CNTNAP3B: variants seen among roughly 807,000 people sequenced by gnomAD.
CNTNAP3B encodes contactin associated protein family member 3B, also known as contactin-associated protein-like 3B.
CNTNAP3B carries 25 observed loss-of-function variants against 108.9 expected under a neutral mutation model. The observed-to-expected ratio is 0.23, with a 90% CI of 0.17 to 0.32. CNTNAP3B has a LOEUF of 0.32. CNTNAP3B is among the 10% of genes least tolerant of loss of function. CNTNAP3B has a pLI of 1.00. For synonymous variants in CNTNAP3B, 103 were observed against 473.4 expected, an observed-to-expected ratio of 0.22 and a Z score of 10.16; for missense variants, 252 against 1,210.4, an observed-to-expected ratio of 0.21 and a Z score of 11.75.
chr9:42,032,415 G>A (rs555118141), intron 3 of CNTNAP3B, among the ~76,000 whole-genome samples: 1 of 122,390 alleles, frequency 8.2e-6, no homozygotes, highest in Non-Finnish European at 1.7e-5. Flanking sequence ...CATGATAATG[G>A]CTGAGGTACA....
intron 3 of CNTNAP3B, among the ~76,000 whole-genome samples, chr9:42,020,082 G>GA (rs1311990497): frequency 7.5e-6 from 1 of 133,228 alleles, no homozygotes; most frequent in African/African-American, 3.1e-5. Context: ...GTCAAAAAGA[G>GA]AAAAACAAAG....
intron 18 of CNTNAP3B, among the ~76,000 whole-genome samples, chr9:41,919,106 T>A (rs925913955): frequency 6.6e-6 from 1 of 152,260 alleles, no homozygotes; most frequent in Non-Finnish European, 1.5e-5. Flanking sequence ...TACAGAGTAC[T>A]TAATACTAAA....
intron 13 of CNTNAP3B, among the ~76,000 whole-genome samples, chr9:41,943,837 CA>C (rs1447463010): frequency 1.3e-5 from 2 of 151,808 alleles, no homozygotes; most frequent in African/African-American, 2.4e-5. Flanking sequence ...AGGTTAAATA[CA>C]AAAAAAACCA....
intron 10 of CNTNAP3B, among the ~76,000 whole-genome samples, chr9:41,967,860 A>G (rs1198224107): frequency 3.3e-5 from 5 of 152,272 alleles, no homozygotes; most frequent in African/African-American, 1.2e-4. Flanking sequence ...CTTTCTTAAA[A>G]TCCTTATCTG....
In CNTNAP3B at chr9:42,017,158, C is replaced by T. The variant is rs1264878096; in HGVS notation, c.391-3633G>A. ...TGCTGGAAATATGTTTCATAAATAA[C>T]TTAGGAATTAATGACATTACTGAAA... On this transcript the variant is annotated intron_variant, in intron 3 of 23. Coordinates refer to ENST00000377561, the MANE Select transcript of CNTNAP3B (RefSeq NM_001201380.3). Among the ~76,000 whole-genome samples, 24 of 139,600 alleles carry T rather than the reference C, an allele frequency of 1.7e-4. 1 individual carries two copies. The East Asian group carries it at 5.0e-3, about 29-fold the overall frequency. 91.6% of individuals were successfully genotyped at this position (139,600 alleles called of 152,430 possible).
intron 15 of CNTNAP3B, among the ~76,000 whole-genome samples, chr9:41,924,419 T>G (rs1360860697): frequency 1.9e-3 from 285 of 151,938 alleles, no homozygotes; most frequent in Middle Eastern, 3.4e-3. Context: ...CAGAACTTAC[T>G]GAAGAACTCG....
chr9:41,916,200 C>G (rs1461140420), intron 18 of CNTNAP3B, among the ~76,000 whole-genome samples: 1 of 147,744 alleles, frequency 6.8e-6, no homozygotes, highest in African/African-American at 2.5e-5. Flanking sequence ...GGTGTTATTC[C>G]TTATTTCAGT....
intron 18 of CNTNAP3B, among the ~76,000 whole-genome samples, chr9:41,913,543 T>C (rs1823455473): frequency 7.0e-6 from 1 of 143,656 alleles, no homozygotes; most frequent in Non-Finnish European, 1.5e-5. Context: ...AATTTGCCAC[T>C]TAACCATTTA....
Position 41,953,210 on chromosome 9 carries a change from C to T in CNTNAP3B, c.2053G>A (p.Gly685Arg), listed in dbSNP as rs755013489. 1.2e-5 allele frequency: 18 copies of T among 1,530,034 alleles called. No individual in the cohort carries two copies. The East Asian group carries it at 1.8e-4, about 15-fold the overall frequency. The allele number at this position is 1,530,034 out of a possible 1,614,324, so 94.8% of individuals were successfully genotyped here. The change falls in exon 13 of 24, where the codon GGG becomes AGG. Residue 685 changes from glycine (G) to arginine (R), a missense_variant. By Grantham distance (125) the Gly-to-Arg change is moderately radical. Transcript: ENST00000377561. ...CGTGAGTCCGGGCGCCGCGCTGTCC[C>T]GCAGCGCAGAGCCAGCCGCTGCTCG... ...RCEQRLALRCGTARRPDSRDG... is the reference protein window; with the variant it reads ...RCEQRLALRCRTARRPDSRDG...
intron 3 of CNTNAP3B, among the ~76,000 whole-genome samples, chr9:42,055,291 G>GTATATA (rs200799498): frequency 4.9e-5 from 6 of 121,392 alleles, no homozygotes; most frequent in Non-Finnish European, 1.0e-4. Flanking sequence ...ATTTACATGA[G>GTATATA]TATATATATA....
At chr9:42,107,170 A>C (rs1828100607) in intron 1 of CNTNAP3B, among the ~76,000 whole-genome samples, 1 of 83,410 alleles carries the variant, frequency 1.2e-5, no homozygotes, top group Non-Finnish European at 2.4e-5. Flanking sequence ...AAGGCACAAT[A>C]AAAGTCTTTC....
At chr9:41,958,248 C>T (rs868038453) in intron 12 of CNTNAP3B, among the ~76,000 whole-genome samples, 1 of 152,302 alleles carries the variant, frequency 6.6e-6, no homozygotes, top group Admixed American at 6.5e-5. Flanking sequence ...GCTGGGACTA[C>T]AGATACATGT....
chr9:42,115,603 G>C (rs982739798), intron 1 of CNTNAP3B, among the ~76,000 whole-genome samples: 3 of 128,218 alleles, frequency 2.3e-5, no homozygotes, highest in Middle Eastern at 3.6e-3. Flanking sequence ...GGCAAACAGG[G>C]TCTGGACTGG....
intron 3 of CNTNAP3B, among the ~76,000 whole-genome samples, chr9:42,021,826 G>A (rs549635788): frequency 7.3e-6 from 1 of 136,748 alleles, no homozygotes; most frequent in African/African-American, 2.9e-5. Flanking sequence ...AACCGCCTTT[G>A]CACAAATTCT....
At chr9:41,940,996 C>G (rs879569259) in intron 13 of CNTNAP3B, among the ~76,000 whole-genome samples, 1 of 151,928 alleles carries the variant, frequency 6.6e-6, no homozygotes, top group Non-Finnish European at 1.5e-5. Context: ...ATATAATAGA[C>G]TATCCTTATC....
At chr9:42,028,769 G>C (rs563599144) in intron 3 of CNTNAP3B, among the ~76,000 whole-genome samples, 1 of 150,212 alleles carries the variant, frequency 6.7e-6, no homozygotes, top group South Asian at 2.1e-4. Flanking sequence ...ATAAAATAAT[G>C]CTTAGCATTT....
chr9:41,925,067 G>A (rs1176351263), intron 15 of CNTNAP3B, among the ~76,000 whole-genome samples: 9 of 151,978 alleles, frequency 5.9e-5, no homozygotes, highest in Admixed American at 1.3e-4. Flanking sequence ...TTGTAAAGTG[G>A]CATTTGTCCA....
chr9:41,995,932 A>G (rs1234238682), intron 7 of CNTNAP3B, among the ~76,000 whole-genome samples: 1 of 144,852 alleles, frequency 6.9e-6, no homozygotes, highest in Non-Finnish European at 1.5e-5. Flanking sequence ...GCTACTCAGG[A>G]GGCTGAGGCA....
chr9:41,928,183 T>C (rs1345750262), intron 15 of CNTNAP3B, among the ~76,000 whole-genome samples: 1 of 152,398 alleles, frequency 6.6e-6, no homozygotes, highest in East Asian at 1.9e-4. Flanking sequence ...TGCCACAGAT[T>C]AATGGATGCT....
Sources: gnomAD v4.1 joint callset for allele counts (sites outside exome capture counted in the v4.1 genomes callset) on GRCh38, gnomAD v4.1.1 for gene constraint, MANE v1.5 for transcripts, NCBI Gene and HGNC (gene_info 2026-07-23, HGNC 2026-07-21) for gene names.